Variants in WDR25 observed in about 807,000 individuals in gnomAD.
The protein encoded by WDR25 is WD repeat-containing protein 25.
WDR25 carries 35 observed loss-of-function variants against 47.7 expected under a neutral mutation model. The ratio of observed to expected loss-of-function variants is 0.73; its 90% CI spans 0.56 to 0.97. The LOEUF (loss-of-function observed/expected upper bound fraction) is 0.97, where lower values mean the gene tolerates loss of function less well. Ranked by LOEUF, WDR25 falls within the 50% of genes least tolerant of loss-of-function variation. The pLI is 0.00. For synonymous variants in WDR25, 248 were observed against 278.9 expected (o/e 0.89, Z 1.10); for missense variants, 634 against 704.7 (o/e 0.90, Z 1.14).
At chr14:100,492,689 T>A (rs1379524123) in intron 4 of WDR25, among the ~76,000 whole-genome samples, 4 of 152,236 alleles carry the variant, frequency 2.6e-5, no homozygotes, top group South Asian at 2.1e-4. Flanking sequence ...TTATTTATTT[T>A]TTTTTACTAT....
intron 1 of WDR25, among the ~76,000 whole-genome samples, chr14:100,380,220 G>A (rs1302832423): frequency 1.3e-5 from 2 of 151,788 alleles, no homozygotes; most frequent in African/African-American, 4.8e-5. Context: ...GCTAATTTTT[G>A]TATTTTTACT....
intron 2 of WDR25, among the ~76,000 whole-genome samples, chr14:100,389,889 C>T (rs1427164986): frequency 6.6e-6 from 1 of 152,152 alleles, no homozygotes; most frequent in Non-Finnish European, 1.5e-5. Flanking sequence ...ATGAGCGGCA[C>T]CCTCTGGGGC....
intron 2 of WDR25, among the ~76,000 whole-genome samples, chr14:100,462,318 CAGA>C (rs1419244739): frequency 1.5e-4 from 23 of 152,342 alleles, no homozygotes; most frequent in African/African-American, 5.5e-4. Flanking sequence ...GAACATTTGA[CAGA>C]AGATTTAACT....
rs560182189 is a variant in WDR25 at position 100,506,007 on chromosome 14, C to T, written c.1102-19863C>T. ...TGTTGAGGTTTCGGGTATGATTGAT[C>T]CCTTCACCCAGTTACTGAGCATAGT... On this transcript the variant is annotated intron_variant, in intron 4 of 6. Coordinates refer to ENST00000402312, the MANE Select transcript of WDR25 (RefSeq NM_001161476.3). The surrounding 1 kb of genome is among the most constrained non-coding windows in gnomAD (Gnocchi z 4.8). 6.6e-6 allele frequency among the ~76,000 whole-genome samples: 1 copy of T among 152,246 alleles called. No homozygotes were observed. Among genetic ancestry groups the T allele is most frequent in the South Asian group, 2.1e-4 (1 of 4,824 alleles).
At chr14:100,414,731 A>G (rs1216572569) in intron 2 of WDR25, among the ~76,000 whole-genome samples, 1 of 152,016 alleles carries the variant, frequency 6.6e-6, no homozygotes, top group Non-Finnish European at 1.5e-5. Context: ...TCAGCTTTGT[A>G]AGAAACCACC....
intron 4 of WDR25, among the ~76,000 whole-genome samples, chr14:100,493,191 C>T (rs1900620254): frequency 6.6e-6 from 1 of 152,194 alleles, no homozygotes; most frequent in Non-Finnish European, 1.5e-5. Flanking sequence ...TCACTCAGTT[C>T]TTAGTGTGTT....
intron 2 of WDR25, among the ~76,000 whole-genome samples, chr14:100,427,063 A>G (rs1413913550): frequency 6.6e-6 from 1 of 152,092 alleles, no homozygotes; most frequent in Non-Finnish European, 1.5e-5. Context: ...GTGTCTTCCA[A>G]GGCCTTCTGG....
chr14:100,456,752 A>C (rs1899217556), intron 2 of WDR25, among the ~76,000 whole-genome samples: 1 of 152,218 alleles, frequency 6.6e-6, no homozygotes, highest in Non-Finnish European at 1.5e-5. Flanking sequence ...GCTGTGGGAC[A>C]ACTTCAGGTT....
chr14:100,525,912 A>T lies in WDR25; in HGVS notation c.1144A>T (p.Ile382Phe). ...YKATIQQTLD[I>F]LFLREGSEFL... ...GGCGACCATCCAGCAGACCTTGGAC[A>T]TCCTGTTCCTCCGGGAAGGCTCCGA... The change falls in exon 5 of 7, where the codon ATC (isoleucine) becomes TTC (phenylalanine). Residue 382 changes from isoleucine (I) to phenylalanine (F), a missense_variant. Coordinates refer to ENST00000402312, the MANE Select transcript of WDR25 (RefSeq NM_001161476.3). This position sits in a 1 kb window ranked among gnomAD's most constrained non-coding sequence, Gnocchi z 4.6. The T allele has an allele frequency of 1.2e-6, 2 of 1,613,934 alleles. No individual in the cohort carries two copies. The highest frequency in any genetic ancestry group is 1.7e-6 in the Non-Finnish European group (2 of 1,179,942).
chr14:100,521,541 T>C (rs184685396), intron 4 of WDR25, among the ~76,000 whole-genome samples: 1 of 152,250 alleles, frequency 6.6e-6, no homozygotes. Flanking sequence ...GAATTTTTTT[T>C]CACTGAACAA....
In WDR25 at chr14:100,424,274, G is replaced by C. The variant is rs1898107290; in HGVS notation, c.822+42528G>C. 6.6e-6 allele frequency among the ~76,000 whole-genome samples: 1 copy of C among 152,214 alleles called. No homozygotes were observed. Among genetic ancestry groups the C allele is most frequent in the South Asian group, 2.1e-4 (1 of 4,834 alleles). ...TGTGGCGTTTTCACACCATGTTCTA[G>C]GTGCCAGCAGAAGTCTAACAAGGAG... On this transcript the variant is annotated intron_variant, in intron 2 of 6. Transcript: ENST00000402312. This position sits in a 1 kb window ranked among gnomAD's most constrained non-coding sequence, Gnocchi z 4.2.
intron 2 of WDR25, among the ~76,000 whole-genome samples, chr14:100,447,361 A>G (rs913847861): frequency 6.6e-6 from 1 of 152,226 alleles, no homozygotes; most frequent in African/African-American, 2.4e-5. Flanking sequence ...CCACAAAGAC[A>G]ACTTCCCACG....
At chr14:100,484,292 T>G (rs143730621) in intron 4 of WDR25, among the ~76,000 whole-genome samples, 168 bp downstream of exon 4, 106 of 152,340 alleles carry the variant, frequency 7.0e-4, no homozygotes, top group African/African-American at 2.4e-3. Flanking sequence ...GAAAGAACAT[T>G]CTTGAGTTGT....
chr14:100,459,892 G>GTATA (rs1899325707), intron 2 of WDR25, among the ~76,000 whole-genome samples: 2 of 35,188 alleles, frequency 5.7e-5, no homozygotes, highest in Non-Finnish European at 9.2e-5. Context: ...ATGTGTGTGT[G>GTATA]TGTATATATA....
chr14:100,468,046 A>C lies in WDR25; in HGVS notation c.848A>C (p.His283Pro). 2.5e-6 allele frequency: 4 copies of C among 1,613,318 alleles called. No homozygotes were observed. Among genetic ancestry groups the C allele is most frequent in the Non-Finnish European group, 3.4e-6 (4 of 1,180,014 alleles). The change falls in exon 3 of 7, where the codon CAC becomes CCC. Residue 283 changes from histidine to proline, a missense_variant. Transcript: ENST00000402312. This position sits in a 1 kb window ranked among gnomAD's most constrained non-coding sequence, Gnocchi z 4.5. ...GTATGGAACGCCGTGGACTCCGGGC[A>C]CTGCCTGCAGACCTACTCCCTGCAC... The part of the protein sequence containing the change: ...FKVWNAVDSG[H>P]CLQTYSLHTE...
chr14:100,459,854 G>T (rs1899319618), intron 2 of WDR25, among the ~76,000 whole-genome samples: 1 of 134,452 alleles, frequency 7.4e-6, no homozygotes. Context: ...GGCAGCCCTG[G>T]GAAATGGATA....
rs1264041818 is a variant in WDR25 at position 100,424,972 on chromosome 14, C to A, written c.823-43049C>A. ...TCAGTCACACAGCTCGTGGCTTCCCCATGAAGCATCTCTTGGGTCTGTCTG... is the reference window on the plus strand; with the variant it reads ...TCAGTCACACAGCTCGTGGCTTCCCAATGAAGCATCTCTTGGGTCTGTCTG... On this transcript the variant is annotated intron_variant, in intron 2 of 6. Coordinates refer to ENST00000402312, the MANE Select transcript of WDR25 (RefSeq NM_001161476.3). This position sits in a 1 kb window ranked among gnomAD's most constrained non-coding sequence, Gnocchi z 4.2. Among the ~76,000 whole-genome samples the A allele has an allele frequency of 6.6e-6, 1 of 152,196 alleles. No individual in the cohort carries two copies. Among genetic ancestry groups the A allele is most frequent in the Non-Finnish European group, 1.5e-5 (1 of 68,030 alleles).
At position 100,453,463 on chromosome 14, in the gene WDR25, A is replaced by G. The variant is rs551547306; in HGVS notation, c.823-14558A>G. ...TAATTCGGTTAACTCAGTTCACTCAACTAACTCAATTGTAAAGTGCTGAAA... is the reference window on the plus strand; with the variant it reads ...TAATTCGGTTAACTCAGTTCACTCAGCTAACTCAATTGTAAAGTGCTGAAA... On this transcript the variant is annotated intron_variant, in intron 2 of 6. Transcript: ENST00000402312. Among the ~76,000 whole-genome samples the G allele has an allele frequency of 2.0e-5, 3 of 152,330 alleles. No individual in the cohort carries two copies. In the East Asian group the frequency reaches 5.8e-4, roughly 29 times the overall value.
intron 3 of WDR25, among the ~76,000 whole-genome samples, chr14:100,471,366 G>T (rs1899826502): frequency 6.6e-6 from 1 of 152,182 alleles, no homozygotes; most frequent in African/African-American, 2.4e-5. Context: ...TGGTCGGGGG[G>T]CCTCCACCTA....
Sources: gnomAD v4.1 joint callset for allele counts (sites outside exome capture counted in the v4.1 genomes callset) on GRCh38, gnomAD v4.1.1 for gene constraint, Gnocchi (gnomAD v3.1) non-coding constraint, MANE v1.5 for transcripts, NCBI Gene and HGNC (gene_info 2026-07-23, HGNC 2026-07-21) for gene names.